SP100: variants seen among roughly 807,000 people sequenced by gnomAD.
SP100 encodes SP100 nuclear body protein.
SP100 carries 84 observed loss-of-function variants against 130.0 expected under a neutral mutation model. The ratio of observed to expected loss-of-function variants is 0.65; its 90% confidence interval spans 0.54 to 0.77. The LOEUF (loss-of-function observed/expected upper bound fraction) is 0.77, where lower values mean the gene tolerates loss of function less well. Among genes scored for constraint, SP100 ranks in the 30% least tolerant of loss-of-function variants. The pLI is 0.00. For missense variants in SP100, 978 were observed against 1,052.2 expected (o/e 0.93, Z 0.97); for synonymous variants, 331 against 351.7 (o/e 0.94, Z 0.66).
intron 2 of SP100, among the ~76,000 whole-genome samples, chr2:230,427,314 A>C (rs1368588735): frequency 6.6e-6 from 1 of 152,056 alleles, no homozygotes; most frequent in African/African-American, 2.4e-5. Context: ...GGTACCTGCC[A>C]CCACACCCGG....
chr2:230,449,698 G>C lies in SP100; in HGVS notation c.724G>C (p.Ala242Pro), dbSNP rs777405872. 18 of 1,614,036 alleles carry C rather than the reference G, an allele frequency of 1.1e-5. No individual in the cohort carries two copies. The highest frequency in any genetic ancestry group is 2.2e-5 in the East Asian group (1 of 44,894). The change falls in exon 7 of 29, where the codon GCT becomes CCT. Residue 242 changes from alanine (A) to proline (P), a missense_variant. Coordinates refer to ENST00000340126, the MANE Select transcript of SP100 (RefSeq NM_001080391.2). Reference sequence around the variant, plus strand: ...AACAAATGAACAATGTGCTCAAAAGGCTGAGCCAACAGGTAAGACTGACTG... The same window carrying C: ...AACAAATGAACAATGTGCTCAAAAGCCTGAGCCAACAGGTAAGACTGACTG... ...QQTNEQCAQK[A>P]EPTESCEQIA... is the part of the protein sequence containing the mutation.
chr2:230,490,816 C>T (rs2066351916), intron 17 of SP100, among the ~76,000 whole-genome samples: 1 of 152,150 alleles, frequency 6.6e-6, no homozygotes. Context: ...TATTGGCACC[C>T]AATCTCTTCT....
chr2:230,427,812 A>G (rs1013628592), intron 2 of SP100, among the ~76,000 whole-genome samples: 10 of 152,172 alleles, frequency 6.6e-5, no homozygotes, highest in Admixed American at 1.3e-4. Flanking sequence ...AACACATACA[A>G]AACTCTACAC....
chr2:230,488,375 A>G (rs1187076263), intron 17 of SP100, among the ~76,000 whole-genome samples: 1 of 151,982 alleles, frequency 6.6e-6, no homozygotes, highest in Admixed American at 6.6e-5. Flanking sequence ...TACCTAGTTT[A>G]TTGAGAGTTT....
intron 17 of SP100, among the ~76,000 whole-genome samples, chr2:230,476,079 C>A (rs929480599): frequency 1.3e-5 from 2 of 152,094 alleles, no homozygotes; most frequent in Non-Finnish European, 2.9e-5. Flanking sequence ...TGAAAAATGA[C>A]GCTTTTATTT....
chr2:230,438,194 T>C (rs887734910), intron 2 of SP100, among the ~76,000 whole-genome samples: 6 of 152,204 alleles, frequency 3.9e-5, no homozygotes, highest in African/African-American at 1.4e-4. Flanking sequence ...TGATGATTCT[T>C]TTTCAATATT....
intron 24 of SP100, chr2:230,515,774 T>C (rs2150090333): frequency 6.7e-7 from 1 of 1,495,004 alleles, no homozygotes; most frequent in Non-Finnish European, 8.8e-7. Flanking sequence ...CTGTGTTTTT[T>C]TGTATAGTTA....
intron 13 of SP100, 83 bp downstream of exon 13, chr2:230,467,298 G>A (rs915284982): frequency 1.2e-5 from 12 of 970,496 alleles, no homozygotes; most frequent in Non-Finnish European, 1.6e-5. Flanking sequence ...ACACACAACA[G>A]CTATCCAGGA....
At chr2:230,443,179 C>T in intron 3 of SP100, 80 bp downstream of exon 3, 1 of 1,419,024 alleles carries the variant, frequency 7.0e-7, no homozygotes, top group Non-Finnish European at 9.8e-7. Context: ...ACCAAAACTT[C>T]AGGGTACAAT....
chr2:230,469,350 G>A (rs759816383), intron 14 of SP100: 21 of 517,130 alleles, frequency 4.1e-5, no homozygotes, highest in Non-Finnish European at 7.3e-5. Flanking sequence ...GAGTAGAGGG[G>A]GTGCCCACAC....
chr2:230,462,542 G>T (rs1203732922), intron 10 of SP100, 24 bp downstream of exon 10: 9 of 1,567,166 alleles, frequency 5.7e-6, no homozygotes, highest in Middle Eastern at 1.7e-4. Flanking sequence ...GGAGAGCAAG[G>T]CTTGGGCTGT....
At chr2:230,539,852 TA>T in intron 25 of SP100, among the ~76,000 whole-genome samples, 1 of 152,268 alleles carries the variant, frequency 6.6e-6, no homozygotes, top group South Asian at 2.1e-4. Context: ...CTTCCTTTGC[TA>T]AAAAATGTGC....
In SP100 at chr2:230,464,140, G is replaced by C; in HGVS notation, c.1131G>C (p.Gln377His). The C allele has an allele frequency of 6.2e-7, 1 of 1,603,402 alleles. No individual in the cohort carries two copies. The highest frequency in any genetic ancestry group is 8.5e-7 in the Non-Finnish European group (1 of 1,170,304). The change falls in exon 11 of 29, where the codon CAG (glutamine) becomes CAC (histidine). Residue 377 changes from glutamine (Q) to histidine (H), a missense_variant. Coordinates refer to ENST00000340126, the MANE Select transcript of SP100 (RefSeq NM_001080391.2). ...AAGAAGCCACTTGCTCACGACCCCA[G>C]ATTGTACCAGGTAAGAATATTAGAG... ...EGQEATCSRPQIVPEPMDFRK... is the reference protein window; with the variant it reads ...EGQEATCSRPHIVPEPMDFRK...
chr2:230,486,625 G>T (rs189990090), intron 17 of SP100, among the ~76,000 whole-genome samples: 1 of 152,188 alleles, frequency 6.6e-6, no homozygotes, highest in African/African-American at 2.4e-5. Context: ...AAATAGTGCT[G>T]CAATAAACAT....
intron 2 of SP100, among the ~76,000 whole-genome samples, chr2:230,419,173 C>CTTATCAACAG (rs1361169533): frequency 6.6e-6 from 1 of 152,152 alleles, no homozygotes. Context: ...GTAGTCCTCC[C>CTTATCAACAG]TTATCAACAG....
At chr2:230,512,283 T>A (rs1400804468) in intron 24 of SP100, among the ~76,000 whole-genome samples, 2 of 76,282 alleles carry the variant, frequency 2.6e-5, no homozygotes, top group South Asian at 8.7e-4. Context: ...TGCCTTTTTT[T>A]TTTTTTTTTT....
At chr2:230,488,361 T>C (rs1041982180) in intron 17 of SP100, among the ~76,000 whole-genome samples, 52 of 152,318 alleles carry the variant, frequency 3.4e-4, no homozygotes, top group African/African-American at 1.2e-3. Context: ...GTATGTCTCA[T>C]CAATACCTAG....
chr2:230,515,093 A>C (rs758836954), intron 24 of SP100: 117 of 1,612,584 alleles, frequency 7.3e-5, no homozygotes, highest in South Asian at 1.1e-5. Context: ...CAAACTTGTC[A>C]GGAGGAGCAT....
chr2:230,418,689 T>C (rs1194579950), intron 2 of SP100, among the ~76,000 whole-genome samples: 1 of 152,216 alleles, frequency 6.6e-6, no homozygotes, highest in Non-Finnish European at 1.5e-5. Flanking sequence ...TTATCAATTT[T>C]TCTGAGTTCA....
Sources: allele counts gnomAD v4.1 joint callset (sites outside exome capture counted in the v4.1 genomes callset), GRCh38; gene constraint gnomAD v4.1.1; transcripts MANE v1.5; gene names NCBI Gene and HGNC (gene_info 2026-07-23, HGNC 2026-07-21).